CD99L2: variants seen among roughly 807,000 people sequenced by gnomAD.
CD99L2 encodes CD99 antigen-like protein 2.
A neutral mutation model predicts 27.3 loss-of-function variants in CD99L2; 24 were observed. The observed-to-expected ratio is 0.88, with a 90% CI of 0.64 to 1.24. The LOEUF (loss-of-function observed/expected upper bound fraction) is 1.24. CD99L2 is among the 50% of genes most tolerant of loss of function. The pLI is 0.00. For synonymous variants in CD99L2, 97 were observed against 87.9 expected (o/e 1.10, Z -0.58); for missense variants, 255 against 221.6 (o/e 1.15, Z -0.96).
intron 1 of CD99L2, among the ~76,000 whole-genome samples, chrX:150,895,086 T>C (rs2047584858): frequency 8.9e-6 from 1 of 111,824 alleles, no homozygotes; most frequent in African/African-American, 3.3e-5. Flanking sequence ...AACAGTTACC[T>C]GTAAGACTCT....
intron 1 of CD99L2, among the ~76,000 whole-genome samples, chrX:150,885,735 T>G (rs1171168915): frequency 1.8e-5 from 2 of 112,460 alleles, no homozygotes; most frequent in African/African-American, 6.5e-5. Flanking sequence ...AATTTGCATC[T>G]CTCCGATTAC....
At chrX:150,793,828 G>T in intron 6 of CD99L2, 72 bp from the exon 7 acceptor site, 3 of 878,136 alleles carry the variant, frequency 3.4e-6, no homozygotes, top group Non-Finnish European at 3.2e-6. Context: ...TGCTAATGTT[G>T]CCCAAAATTC....
chrX:150,834,621 A>G, intron 1 of CD99L2, among the ~76,000 whole-genome samples: 1 of 112,649 alleles, frequency 8.9e-6, no homozygotes, highest in East Asian at 2.8e-4. Context: ...CACTTGCACA[A>G]GTTGTTAGGA....
At chrX:150,886,148 T>C (rs2047405767) in intron 1 of CD99L2, among the ~76,000 whole-genome samples, 3 of 112,253 alleles carry the variant, frequency 2.7e-5, no homozygotes, top group Non-Finnish European at 5.6e-5. Context: ...GAGACCTGAC[T>C]TATTCCAACA....
chrX:150,780,274 G>A (rs2045487478), intron 7 of CD99L2, among the ~76,000 whole-genome samples: 1 of 111,858 alleles, frequency 8.9e-6, no homozygotes, highest in Middle Eastern at 4.6e-3. Flanking sequence ...AGAAGACAAG[G>A]GGAAGGGAGA....
Position 150,880,862 on chromosome X carries a change from T to C in CD99L2, c.67+17660A>G, listed in dbSNP as rs1349571055. ...ACTATTTTCTCTTCTAAAAAGAAGA[T>C]TGGGGCCTTCCAAGAAACCCACCCT... On this transcript the variant is annotated intron_variant, in intron 1 of 10. Coordinates refer to ENST00000370377, the MANE Select transcript of CD99L2 (RefSeq NM_031462.4). 3.6e-5 allele frequency among the ~76,000 whole-genome samples: 4 copies of C among 111,856 alleles called. No individual in the cohort carries two copies. The East Asian group carries it at 1.1e-3, about 31-fold the overall frequency.
intron 7 of CD99L2, among the ~76,000 whole-genome samples, chrX:150,784,292 A>T (rs1257518979): frequency 1.8e-5 from 2 of 110,816 alleles, no homozygotes; most frequent in Non-Finnish European, 3.8e-5. Context: ...GTTCTTTACC[A>T]ACTGAGAACA....
intron 4 of CD99L2, among the ~76,000 whole-genome samples, chrX:150,800,463 TATA>T (rs2045886791): frequency 1.8e-5 from 2 of 111,892 alleles, no homozygotes; most frequent in East Asian, 2.8e-4. Flanking sequence ...TAAAATACAG[TATA>T]ATAACTATTT....
chrX:150,792,222 C>G (rs892713958), intron 7 of CD99L2, among the ~76,000 whole-genome samples: 1 of 112,043 alleles, frequency 8.9e-6, no homozygotes, highest in African/African-American at 3.2e-5. Context: ...AAATATGAGC[C>G]TAATTAAAGA....
intron 2 of CD99L2, among the ~76,000 whole-genome samples, chrX:150,821,085 A>G (rs1429195725): frequency 1.8e-5 from 2 of 112,080 alleles, no homozygotes; most frequent in Admixed American, 1.9e-4. Flanking sequence ...TAAAATGGCA[A>G]TATTTCCCAA....
At chrX:150,780,094 T>C (rs782393495) in intron 7 of CD99L2, among the ~76,000 whole-genome samples, 1 of 111,701 alleles carries the variant, frequency 9.0e-6, no homozygotes, top group South Asian at 3.7e-4. Context: ...AATCTAAAAA[T>C]GGGCAAAGGA....
At chrX:150,837,505 C>T (rs1490285649) in intron 1 of CD99L2, among the ~76,000 whole-genome samples, 1 of 111,869 alleles carries the variant, frequency 8.9e-6, no homozygotes, top group Non-Finnish European at 1.9e-5. Context: ...ACCTTGGCCT[C>T]CCAAAGTGCT....
At chrX:150,854,501 T>A (rs1032593073) in intron 1 of CD99L2, among the ~76,000 whole-genome samples, 1 of 111,466 alleles carries the variant, frequency 9.0e-6, no homozygotes, top group Admixed American at 9.5e-5. Context: ...AATTCATACA[T>A]TGAAATCCTA....
chrX:150,785,385 C>T (rs1337444757), intron 7 of CD99L2, among the ~76,000 whole-genome samples: 3 of 112,016 alleles, frequency 2.7e-5, no homozygotes, highest in African/African-American at 9.8e-5. Flanking sequence ...TTTATCACGT[C>T]TGCCATCCCT....
chrX:150,894,478 C>T (rs934732183), intron 1 of CD99L2, among the ~76,000 whole-genome samples: 1 of 112,015 alleles, frequency 8.9e-6, no homozygotes, highest in Non-Finnish European at 1.9e-5. Flanking sequence ...TTAAAGCCTA[C>T]ACTCCATGTG....
chrX:150,894,850 A>C (rs1437167942), intron 1 of CD99L2, among the ~76,000 whole-genome samples: 3 of 110,886 alleles, frequency 2.7e-5, no homozygotes, highest in Non-Finnish European at 5.7e-5. Flanking sequence ...CAGCCTCCCA[A>C]AGTGCTGAGA....
At chrX:150,824,689 G>A (rs868925182) in intron 2 of CD99L2, among the ~76,000 whole-genome samples, 76 of 71,146 alleles carry the variant, frequency 1.1e-3, no homozygotes, top group African/African-American at 2.9e-3. Context: ...AAGAAGAAGA[G>A]GAAGAGGAAG....
chrX:150,866,379 T>C (rs1392612818), intron 1 of CD99L2, among the ~76,000 whole-genome samples: 1 of 111,705 alleles, frequency 9.0e-6, no homozygotes, highest in Non-Finnish European at 1.9e-5. Context: ...TTGATTGTGA[T>C]AAATGTACTA....
intron 7 of CD99L2, among the ~76,000 whole-genome samples, chrX:150,784,279 C>T (rs1324286812): frequency 9.9e-5 from 11 of 110,660 alleles, no homozygotes; most frequent in African/African-American, 2.0e-4. Context: ...TCCTCCCCTC[C>T]GGGTTCTTTA....
Sources: gnomAD v4.1 joint callset for allele counts (sites outside exome capture counted in the v4.1 genomes callset) on GRCh38, gnomAD v4.1.1 for gene constraint, MANE v1.5 for transcripts, NCBI Gene and HGNC (gene_info 2026-07-23, HGNC 2026-07-21) for gene names.